SYT16: variants seen among roughly 807,000 people sequenced by gnomAD.
The protein encoded by SYT16 is synaptotagmin 16.
A neutral mutation model predicts 61.4 loss-of-function variants in SYT16; 42 were observed. The ratio of observed to expected loss-of-function variants is 0.68; its 90% confidence interval spans 0.53 to 0.89. The LOEUF (loss-of-function observed/expected upper bound fraction) is 0.89. Among genes scored for constraint, SYT16 ranks in the 40% least tolerant of loss-of-function variants. The pLI is 0.00. For missense variants in SYT16, 804 were observed against 807.3 expected (o/e 1.00, Z 0.05); for synonymous variants, 314 against 302.3 (o/e 1.04, Z -0.40).
At chr14:61,977,929 C>T (rs1323631892) in intron 2 of SYT16, among the ~76,000 whole-genome samples, 1 of 152,158 alleles carries the variant, frequency 6.6e-6, no homozygotes, top group Non-Finnish European at 1.5e-5. Flanking sequence ...GCCACGATCC[C>T]TGGAGACTCT....
intron 1 of SYT16, among the ~76,000 whole-genome samples, chr14:61,880,079 G>C (rs912113432): frequency 6.6e-6 from 1 of 152,216 alleles, no homozygotes; most frequent in Admixed American, 6.5e-5. Flanking sequence ...GTCTGCAGAT[G>C]AAATGTCTTA....
intron 3 of SYT16, among the ~76,000 whole-genome samples, chr14:62,060,057 C>T (rs2055758837): frequency 6.6e-6 from 1 of 151,904 alleles, no homozygotes; most frequent in African/African-American, 2.4e-5. Context: ...TAGGTGGGTC[C>T]CCCTACTTTG....
chr14:61,968,215 C>T (rs772131821), intron 1 of SYT16, among the ~76,000 whole-genome samples: 6 of 151,950 alleles, frequency 3.9e-5, no homozygotes, highest in Admixed American at 6.6e-5. Flanking sequence ...GAGCCAGGAT[C>T]GCGCCACTGC....
At position 61,996,370 on chromosome 14, in the gene SYT16, T is replaced by G; in HGVS notation, c.351T>G (p.Cys117Trp). The G allele has an allele frequency of 6.2e-7, 1 of 1,613,562 alleles. No homozygotes were observed. Among genetic ancestry groups the G allele is most frequent in the Non-Finnish European group, 8.5e-7 (1 of 1,179,614 alleles). The change falls in exon 3 of 8, where the codon TGT (cysteine) becomes TGG (tryptophan). Residue 117 changes from cysteine (C) to tryptophan (W), a missense_variant. By Grantham distance (215) the Cys-to-Trp change is radical. Coordinates refer to ENST00000683842, the MANE Select transcript of SYT16 (RefSeq NM_001367656.1). Reference protein sequence around the residue: ...PSLSQHAKDSCSTMSQWPNWA... With the variant: ...PSLSQHAKDSWSTMSQWPNWA... Reference sequence around the variant, plus strand: ...TTAGCCAACATGCAAAGGACTCATGTTCCACAATGTCCCAGTGGCCCAATT... The same window carrying G: ...TTAGCCAACATGCAAAGGACTCATGGTCCACAATGTCCCAGTGGCCCAATT...
chr14:62,010,224 C>T (rs561692139), intron 3 of SYT16, among the ~76,000 whole-genome samples: 2 of 152,272 alleles, frequency 1.3e-5, no homozygotes, highest in South Asian at 4.1e-4. Context: ...CTATGTCTTA[C>T]CCATATGTGA....
intron 1 of SYT16, chr14:61,865,264 C>T: frequency 2.4e-6 from 2 of 839,020 alleles, no homozygotes; most frequent in Non-Finnish European, 4.0e-6. Flanking sequence ...TGGAGGTGAG[C>T]ATCTGTCTTT....
chr14:61,867,855 G>A (rs2047207783), intron 1 of SYT16, among the ~76,000 whole-genome samples: 1 of 151,956 alleles, frequency 6.6e-6, no homozygotes. Context: ...CTAGTTTGCT[G>A]AAAGTTTTGA....
At chr14:61,891,671 G>T (rs2048135756) in intron 1 of SYT16, among the ~76,000 whole-genome samples, 1 of 152,180 alleles carries the variant, frequency 6.6e-6, no homozygotes, top group African/African-American at 2.4e-5. Context: ...CAGAGAACAA[G>T]ATAAAAGGAG....
chr14:61,999,063 G>T (rs970918863), intron 3 of SYT16, among the ~76,000 whole-genome samples: 10 of 151,638 alleles, frequency 6.6e-5, no homozygotes, highest in Non-Finnish European at 1.2e-4. Flanking sequence ...CTTTGCTAAA[G>T]ATTTTTTTCC....
In SYT16 at chr14:62,081,280, T is replaced by C; in HGVS notation, c.1434+6T>C. On this transcript the variant is annotated splice_donor_region_variant and intron_variant, in intron 6 of 7. Coordinates refer to ENST00000683842, the MANE Select transcript of SYT16 (RefSeq NM_001367656.1). ...AGCCAAGAAGTAATATAAGCGTGAG[T>C]ATGTTAAATGGTGCTGCTAATGATG... 1 of 1,610,822 alleles carries C rather than the reference T, an allele frequency of 6.2e-7. No homozygotes were observed. The highest frequency in any genetic ancestry group is 8.5e-7 in the Non-Finnish European group (1 of 1,178,278).
chr14:61,881,467 A>G (rs773738426), intron 1 of SYT16, among the ~76,000 whole-genome samples: 35 of 152,218 alleles, frequency 2.3e-4, no homozygotes, highest in Admixed American at 4.6e-4. Context: ...ATCAAATCCA[A>G]TAGATGGCTC....
At chr14:61,943,143 A>G (rs1157835292) in intron 1 of SYT16, among the ~76,000 whole-genome samples, 1 of 152,216 alleles carries the variant, frequency 6.6e-6, no homozygotes, top group Non-Finnish European at 1.5e-5. Flanking sequence ...AGAAATGGAT[A>G]AATTCCTGGA....
At chr14:61,898,015 A>G (rs1169783647) in intron 1 of SYT16, among the ~76,000 whole-genome samples, 1 of 152,168 alleles carries the variant, frequency 6.6e-6, no homozygotes, top group Non-Finnish European at 1.5e-5. Context: ...TTTTGTCTTA[A>G]TAATGTCAGA....
chr14:61,987,438 G>A (rs1209770515), intron 2 of SYT16, among the ~76,000 whole-genome samples: 2 of 152,184 alleles, frequency 1.3e-5, no homozygotes, highest in East Asian at 3.9e-4. Flanking sequence ...TGGAAATGAG[G>A]TAGGAGTGAA....
chr14:62,077,878 C>G (rs920235208), intron 5 of SYT16, among the ~76,000 whole-genome samples: 3 of 152,174 alleles, frequency 2.0e-5, no homozygotes, highest in Non-Finnish European at 4.4e-5. Context: ...ACCCAGGACT[C>G]TCTTAGAAAC....
intron 2 of SYT16, among the ~76,000 whole-genome samples, chr14:61,973,617 G>A (rs910331976): frequency 6.6e-6 from 1 of 152,134 alleles, no homozygotes; most frequent in African/African-American, 2.4e-5. Context: ...GAGAGAAGGC[G>A]GGAGAGAGAA....
At chr14:62,018,760 A>G (rs944127639) in intron 3 of SYT16, among the ~76,000 whole-genome samples, 2 of 152,140 alleles carry the variant, frequency 1.3e-5, no homozygotes, top group African/African-American at 4.8e-5. Context: ...CTCCCTGACT[A>G]CATGAATGTA....
At chr14:61,958,141 C>G (rs990312104) in intron 1 of SYT16, among the ~76,000 whole-genome samples, 4 of 151,496 alleles carry the variant, frequency 2.6e-5, no homozygotes, top group African/African-American at 9.7e-5. Flanking sequence ...AATATCTTCC[C>G]TTTCATTTCT....
intron 1 of SYT16, among the ~76,000 whole-genome samples, chr14:61,946,549 A>G (rs1277913235): frequency 6.6e-6 from 1 of 152,130 alleles, no homozygotes; most frequent in Non-Finnish European, 1.5e-5. Context: ...CCCCTAAAAT[A>G]TATTTTAAAA....
Sources: allele counts gnomAD v4.1 joint callset (sites outside exome capture counted in the v4.1 genomes callset), GRCh38; gene constraint gnomAD v4.1.1; transcripts MANE v1.5; gene names NCBI Gene and HGNC (gene_info 2026-07-23, HGNC 2026-07-21).